The following MAK variants were observed in gnomAD, a reference collection of about 807,000 sequenced individuals.
MAK encodes serine/threonine-protein kinase MAK.
MAK carries 65 observed loss-of-function variants against 82.6 expected under a neutral mutation model. The observed-to-expected ratio is 0.79, with a 90% CI of 0.64 to 0.97. MAK has a LOEUF of 0.97. Among genes scored for constraint, MAK ranks in the 50% least tolerant of loss-of-function variants. The probability of loss-of-function intolerance (pLI) is 0.00; values close to 1 mark genes in which losing one functional copy is unlikely to be tolerated. For synonymous variants in MAK, 250 were observed against 274.2 expected, an observed-to-expected ratio of 0.91 and a Z score of 0.87; for missense variants, 703 against 780.2, an observed-to-expected ratio of 0.90 and a Z score of 1.18.
At chr6:10,790,714 A>G (rs946364703) in intron 10 of MAK, among the ~76,000 whole-genome samples, 3 of 152,236 alleles carry the variant, frequency 2.0e-5, no homozygotes, top group African/African-American at 7.2e-5. Flanking sequence ...TCACAAGAGC[A>G]TCGTAAAAAT....
intron 1 of MAK, among the ~76,000 whole-genome samples, chr6:10,831,671 A>G (rs1200520493): frequency 1.3e-5 from 2 of 152,166 alleles, no homozygotes; most frequent in African/African-American, 4.8e-5. Context: ...GCTTGAGCCC[A>G]GGAGTTCAAG....
At chr6:10,835,944 T>C (rs959854017) in intron 1 of MAK, among the ~76,000 whole-genome samples, 1 of 152,238 alleles carries the variant, frequency 6.6e-6, no homozygotes, top group Non-Finnish European at 1.5e-5. Flanking sequence ...GCACCAGCAC[T>C]ATCAGCACAA....
At chr6:10,794,515 T>C (rs1369500983) in intron 9 of MAK, among the ~76,000 whole-genome samples, 2 of 152,070 alleles carry the variant, frequency 1.3e-5, no homozygotes, top group African/African-American at 2.4e-5. Context: ...GGTGGGGCAG[T>C]TGGGGACTGG....
chr6:10,770,357 G>C (rs1242788257), intron 13 of MAK, 127 bp from the exon 14 acceptor site: 5 of 1,026,720 alleles, frequency 4.9e-6, no homozygotes, highest in Non-Finnish European at 7.4e-6. Context: ...TAGGCACTGA[G>C]CTGCACTTGT....
intron 11 of MAK, chr6:10,780,281 T>C: frequency 1.0e-6 from 1 of 981,124 alleles, no homozygotes; most frequent in Non-Finnish European, 1.2e-6. Flanking sequence ...AAAAAGGAAA[T>C]GATCAAACAG....
intron 14 of MAK, among the ~76,000 whole-genome samples, chr6:10,768,381 C>T (rs985134758): frequency 5.3e-5 from 8 of 151,928 alleles, no homozygotes; most frequent in Non-Finnish European, 1.2e-4. Flanking sequence ...AGTTCAAGAC[C>T]AGCCTGACCA....
chr6:10,812,132 G>A (rs918781479), intron 5 of MAK, among the ~76,000 whole-genome samples: 4 of 152,120 alleles, frequency 2.6e-5, no homozygotes, highest in African/African-American at 2.4e-5. Context: ...CCCAGGAAGT[G>A]GAGGCTGCAG....
chr6:10,814,760 A>C (rs970106808), intron 4 of MAK, among the ~76,000 whole-genome samples: 2 of 152,008 alleles, frequency 1.3e-5, no homozygotes, highest in South Asian at 2.1e-4. Flanking sequence ...GAAATATAAG[A>C]GCCGGCTGGG....
At position 10,787,644 on chromosome 6, in the gene MAK, G is replaced by T. The variant is rs559832683; in HGVS notation, c.1317-3072C>A. Among the ~76,000 whole-genome samples, 191 of 152,114 alleles carry T rather than the reference G, an allele frequency of 1.3e-3. 2 individuals are homozygous for T. Among genetic ancestry groups the T allele is most frequent in the African/African-American group, 4.0e-3 (168 of 41,510 alleles). ...GAGGCTGAGGCAGGTGGATCACGAG[G>T]TCGGGAGATCGAGACCATCCTGGCT... is the stretch of plus-strand genomic sequence containing the variant. On this transcript the variant is annotated intron_variant, in intron 10 of 14. Coordinates refer to ENST00000354489, the MANE Select transcript of MAK (RefSeq NM_001242957.3).
intron 10 of MAK, among the ~76,000 whole-genome samples, chr6:10,787,913 C>T (rs1286879094): frequency 6.6e-6 from 1 of 150,792 alleles, no homozygotes. Context: ...CACTGTCATA[C>T]AGTTTTTCTA....
At chr6:10,796,546 C>T (rs947693969) in intron 8 of MAK, among the ~76,000 whole-genome samples, 1 of 152,138 alleles carries the variant, frequency 6.6e-6, no homozygotes, top group African/African-American at 2.4e-5. Context: ...TGGCTCACGC[C>T]TATAATCCTA....
intron 2 of MAK, among the ~76,000 whole-genome samples, chr6:10,829,868 CTTCT>C (rs777322678): frequency 9.2e-5 from 14 of 151,710 alleles, no homozygotes; most frequent in Admixed American, 3.9e-4. Flanking sequence ...ATGGAGTCTC[CTTCT>C]GTCACCCAGG....
chr6:10,764,822 G>C (rs891042300), intron 14 of MAK, among the ~76,000 whole-genome samples: 5 of 152,144 alleles, frequency 3.3e-5, no homozygotes, highest in Admixed American at 1.3e-4. Flanking sequence ...GCCGGGCGCA[G>C]TGGCTCCTGC....
intron 11 of MAK, chr6:10,779,609 AT>A: frequency 5.0e-6 from 1 of 201,882 alleles, no homozygotes; most frequent in Non-Finnish European, 8.8e-6. Context: ...AGATATTAGT[AT>A]TTTTTATTCC....
At chr6:10,822,797 C>T (rs2127581812) in intron 2 of MAK, among the ~76,000 whole-genome samples, 1 of 152,226 alleles carries the variant, frequency 6.6e-6, no homozygotes, top group African/African-American at 2.4e-5. Context: ...AATAGAACTA[C>T]CTCTCAAGTT....
chr6:10,799,540 G>A (rs903447743), intron 8 of MAK, among the ~76,000 whole-genome samples: 37 of 152,132 alleles, frequency 2.4e-4, no homozygotes, highest in African/African-American at 7.5e-4. Context: ...AGAACTGCAC[G>A]AGACCAGGGG....
chr6:10,800,004 C>T lies in MAK; in HGVS notation c.831+1888G>A, dbSNP rs1172908911. On this transcript the variant is annotated intron_variant, in intron 8 of 14. Transcript: ENST00000354489. This position sits in a 1 kb window ranked among gnomAD's most constrained non-coding sequence, Gnocchi z 4.2. The stretch of plus-strand genomic sequence containing the variant: ...CGGAGGGTGTAGTGAACCGAGATCA[C>T]GCTACTGCACTCCAGCCTGGGCGAT... 6.6e-5 allele frequency among the ~76,000 whole-genome samples: 10 copies of T among 151,792 alleles called. No individual in the cohort carries two copies. Among genetic ancestry groups the T allele is most frequent in the African/African-American group, 2.2e-4 (9 of 41,290 alleles).
intron 10 of MAK, among the ~76,000 whole-genome samples, chr6:10,790,555 G>C (rs1026008392): frequency 6.6e-6 from 1 of 152,132 alleles, no homozygotes; most frequent in African/African-American, 2.4e-5. Context: ...TCCAGAAAAG[G>C]CTCAGAAAAT....
intron 8 of MAK, among the ~76,000 whole-genome samples, chr6:10,797,101 TACA>T (rs1433803227): frequency 2.0e-5 from 3 of 151,906 alleles, no homozygotes; most frequent in Non-Finnish European, 2.9e-5. Flanking sequence ...TCAGCCTGAG[TACA>T]ACAATATACC....
Sources: gnomAD v4.1 joint callset for allele counts (sites outside exome capture counted in the v4.1 genomes callset) on GRCh38, gnomAD v4.1.1 for gene constraint, Gnocchi (gnomAD v3.1) non-coding constraint, MANE v1.5 for transcripts, NCBI Gene and HGNC (gene_info 2026-07-23, HGNC 2026-07-21) for gene names.